RTEL1: variants seen among roughly 807,000 people sequenced by gnomAD.
RTEL1 encodes the protein regulator of telomere elongation helicase 1.
Under a neutral mutation model 162.2 loss-of-function variants are expected in RTEL1, and 86 were observed. That is an observed-to-expected ratio of 0.53 (90% CI 0.45 to 0.63). The LOEUF (loss-of-function observed/expected upper bound fraction) is 0.63. RTEL1 is among the 30% of genes least tolerant of loss of function. The pLI is 0.00. For missense variants in RTEL1, 1,941 were observed against 1,750.2 expected (o/e 1.11, Z -1.95); for synonymous variants, 958 against 717.9 (o/e 1.33, Z -5.35).
chr20:63,662,942 A>G (rs2090050611), intron 6 of RTEL1, 53 bp downstream of exon 6: 3 of 1,544,910 alleles, frequency 1.9e-6, no homozygotes, highest in South Asian at 1.1e-5. Context: ...GCAGCCTCTC[A>G]GGGTGGAGCT....
At chr20:63,667,426 C>G (rs1319378484) in intron 7 of RTEL1, 43 bp from the exon 8 acceptor site, 5 of 1,518,564 alleles carry the variant, frequency 3.3e-6, no homozygotes, top group Non-Finnish European at 4.6e-6. Context: ...GCACCGTCCC[C>G]TGCATGGGGT....
chr20:63,688,030 G>A lies in RTEL1; in HGVS notation c.1575G>A (p.Leu525=), dbSNP rs1388544298. 1 of 1,612,792 alleles carries A rather than the reference G, an allele frequency of 6.2e-7. No individual in the cohort carries two copies. Among genetic ancestry groups the A allele is most frequent in the East Asian group, 2.2e-5 (1 of 44,886 alleles). ...VVPRGPDGAQ[L]SSAFDRRFSE... ...CCAGAGGCCCCGATGGAGCCCAGTT[G>A]AGCTCCGCGTTTGACAGACGGTGAG... Residue 525 remains leucine (L), a synonymous_variant, in exon 18 of 35, where the codon TTG becomes TTA. Transcript: ENST00000360203.
intron 24 of RTEL1, 104 bp from the exon 25 acceptor site, chr20:63,689,983 G>A (rs1459656058): frequency 6.4e-6 from 10 of 1,556,632 alleles, no homozygotes; most frequent in East Asian, 2.3e-5. Flanking sequence ...CCGGCTACTC[G>A]GGGTCAGCGT....
chr20:63,662,003 G>T, intron 4 of RTEL1, 60 bp downstream of exon 4: 1 of 1,286,472 alleles, frequency 7.8e-7, no homozygotes, highest in Non-Finnish European at 1.1e-6. Flanking sequence ...TTGGCATGGT[G>T]CTGAGTCCAC....
chr20:63,693,636 A>ACCACCACCT, intron 30 of RTEL1, among the ~76,000 whole-genome samples: 1 of 16,480 alleles, frequency 6.1e-5, no homozygotes, highest in South Asian at 2.3e-3. Context: ...CACCTCCACC[A>ACCACCACCT]CCACCACCTC....
chr20:63,689,175 C>G (rs763211181), intron 22 of RTEL1, 43 bp downstream of exon 22: 81 of 1,571,696 alleles, frequency 5.2e-5, no homozygotes, highest in Non-Finnish European at 6.9e-5. Flanking sequence ...GTTGCCTGTT[C>G]CCTGGTGGGT....
At position 63,688,530 on chromosome 20, in the gene RTEL1, C is replaced by T. The variant is rs375696298; in HGVS notation, c.1725C>T (p.Ala575=). Residue 575 remains alanine (A), a splice_region_variant and synonymous_variant, in exon 21 of 35, where the codon GCC becomes GCT. Transcript: ENST00000360203. ...VMEKSLEFWR[A]RDLARKMEAL... ...GTCCCTGCCTCTTCCTCCCACAGGC[C>T]CGCGACTTGGCCAGGAAGATGGAGG... 2.5e-6 allele frequency: 4 copies of T among 1,610,434 alleles called. No homozygotes were observed. Among genetic ancestry groups the T allele is most frequent in the South Asian group, 1.1e-5 (1 of 90,774 alleles).
In RTEL1 at chr20:63,689,029, C is replaced by T. The variant is rs981173078; in HGVS notation, c.1801-26C>T. The T allele has an allele frequency of 8.7e-6, 14 of 1,600,994 alleles. No individual in the cohort carries two copies. The African/African-American group carries it at 1.2e-4, about 14-fold the overall frequency. On this transcript the variant is annotated intron_variant, in intron 21 of 34. Coordinates refer to ENST00000360203, the MANE Select transcript of RTEL1 (RefSeq NM_001283009.2). ...GAAGGGGCTGGGGGGGGGCTCCAGGCTCAGCCTCACCAACTTTCCTTCCAG... is the reference window on the plus strand; with the variant it reads ...GAAGGGGCTGGGGGGGGGCTCCAGGTTCAGCCTCACCAACTTTCCTTCCAG...
In RTEL1 at chr20:63,680,098, G is replaced by A. The variant is rs538121833; in HGVS notation, c.1135+152G>A. 21 of 615,326 alleles carry A rather than the reference G, an allele frequency of 3.4e-5. 1 individual carries two copies. Among genetic ancestry groups the A allele is most frequent in the South Asian group, 3.4e-4 (17 of 50,714 alleles). 38.1% of individuals were successfully genotyped at this position (615,326 alleles called of 1,614,324 possible). Reference sequence around the variant, plus strand: ...CTCATCTTCTGATCGGGGCGTGGAGGCGTTAGTGCCACTTGCCAGCTGCCG... The same window carrying A: ...CTCATCTTCTGATCGGGGCGTGGAGACGTTAGTGCCACTTGCCAGCTGCCG... On this transcript the variant is annotated intron_variant, in intron 13 of 34. Transcript: ENST00000360203.
chr20:63,679,902 G>A lies in RTEL1; in HGVS notation c.1091G>A (p.Cys364Tyr). 6.2e-7 allele frequency: 1 copy of A among 1,612,426 alleles called. No homozygotes were observed. The highest frequency in any genetic ancestry group is 8.5e-7 in the Non-Finnish European group (1 of 1,179,958). The change falls in exon 13 of 35, where the codon TGC becomes TAC. Residue 364 changes from cysteine (C) to tyrosine (Y), a missense_variant. Coordinates refer to ENST00000360203, the MANE Select transcript of RTEL1 (RefSeq NM_001283009.2). ...EAQITFQTKG[C>Y]ILDSLDQIIQ... ...CAGATCACGTTTCAGACCAAGGGCTGCATCCTGGACTCGCTGGACCAGATC... is the reference window on the plus strand; with the variant it reads ...CAGATCACGTTTCAGACCAAGGGCTACATCCTGGACTCGCTGGACCAGATC...
chr20:63,688,174 C>G lies in RTEL1; in HGVS notation c.1631C>G (p.Ala544Gly). The G allele has an allele frequency of 6.2e-7, 1 of 1,612,060 alleles. No individual in the cohort carries two copies. Among genetic ancestry groups the G allele is most frequent in the Non-Finnish European group, 8.5e-7 (1 of 1,179,978 alleles). Residue 544 changes from alanine to glycine, a missense_variant, in exon 19 of 35, where the codon GCT (alanine) becomes GGT (glycine). Ala to Gly is a moderately conservative substitution (Grantham distance 60). Transcript: ENST00000360203. Reference protein sequence around the residue: ...SEECLSSLGKALGNIARVVPY... With the variant: ...SEECLSSLGKGLGNIARVVPY... The stretch of plus-strand genomic sequence containing the variant: ...GAGTGCTTATCCTCCCTGGGGAAGG[C>G]TCTGGGTGAGTGCCCTGAATGCCCC...
At chr20:63,676,547 C>T (rs921244931) in intron 10 of RTEL1, among the ~76,000 whole-genome samples, 1 of 152,272 alleles carries the variant, frequency 6.6e-6, no homozygotes, top group South Asian at 2.1e-4. Context: ...TGTGCTAATT[C>T]CATCATCTAG....
chr20:63,693,879 C>T, intron 30 of RTEL1, among the ~76,000 whole-genome samples: 1 of 150,104 alleles, frequency 6.7e-6, no homozygotes. Context: ...ACGTCCCCTG[C>T]CTCCCATGCA....
At chr20:63,695,684 G>T in intron 34 of RTEL1, 34 bp downstream of exon 34, 1 of 1,609,760 alleles carries the variant, frequency 6.2e-7, no homozygotes, top group Non-Finnish European at 8.5e-7. Flanking sequence ...CCTGCTGGGT[G>T]TAGCCCCAGG....
intron 31 of RTEL1, 118 bp from the exon 32 acceptor site, chr20:63,694,623 C>T: frequency 4.9e-6 from 6 of 1,215,672 alleles, no homozygotes; most frequent in Non-Finnish European, 6.9e-6. Context: ...CCCGGTTCTG[C>T]ACCCCGCAGT....
intron 26 of RTEL1, 107 bp from the exon 27 acceptor site, chr20:63,690,698 C>T (rs1349620748): frequency 7.7e-7 from 1 of 1,305,422 alleles, no homozygotes; most frequent in Non-Finnish European, 1.0e-6. Context: ...CACCCACAGG[C>T]AGGACCCCAA....
intron 26 of RTEL1, 22 bp downstream of exon 26, chr20:63,690,463 T>C (rs369003962): frequency 1.6e-6 from 1 of 631,690 alleles, no homozygotes; most frequent in African/African-American, 2.2e-5. Context: ...CAGCGCTGGG[T>C]GGGCGGTGTG....
In RTEL1 at chr20:63,695,911, C is replaced by T. The variant is rs1342510507; in HGVS notation, c.*53C>T. On this transcript the variant is annotated 3_prime_UTR_variant, in exon 35 of 35. Coordinates refer to ENST00000360203, the MANE Select transcript of RTEL1 (RefSeq NM_001283009.2). Reference sequence around the variant, plus strand: ...AACGTGGCTTGATCACCTGCCTGTCCAGCTCTGGTGGGCCAAGAACCCACC... The same window carrying T: ...AACGTGGCTTGATCACCTGCCTGTCTAGCTCTGGTGGGCCAAGAACCCACC... The T allele has an allele frequency of 4.0e-6, 6 of 1,514,872 alleles. No individual in the cohort carries two copies. Among genetic ancestry groups the T allele is most frequent in the Admixed American group, 2.0e-5 (1 of 50,662 alleles). The allele number at this position is 1,514,872 out of a possible 1,614,324, so 93.8% of individuals were successfully genotyped here.
In RTEL1 at chr20:63,695,778, G is replaced by A; in HGVS notation, c.3823G>A (p.Ala1275Thr). The change falls in exon 35 of 35, where the codon GCC becomes ACC. Residue 1275 changes from alanine to threonine, a missense_variant and splice_region_variant. Physicochemically the swap from Ala to Thr is moderately conservative, Grantham distance 58. Coordinates refer to ENST00000360203, the MANE Select transcript of RTEL1 (RefSeq NM_001283009.2). ...GTGCAGTGGGCCGGTTGTCTCACAG[G>A]CCTCTAGGATGTGCCCAGCCTGCCA... ...CQACWQRHLQ[A>T]SRMCPACHTA... is the part of the protein sequence containing the mutation. 1 of 1,591,220 alleles carries A rather than the reference G, an allele frequency of 6.3e-7. No individual in the cohort carries two copies. Among genetic ancestry groups the A allele is most frequent in the Non-Finnish European group, 8.5e-7 (1 of 1,169,602 alleles).
Sources: gnomAD v4.1 joint callset for allele counts (sites outside exome capture counted in the v4.1 genomes callset) on GRCh38, gnomAD v4.1.1 for gene constraint, MANE v1.5 for transcripts, NCBI Gene and HGNC (gene_info 2026-07-23, HGNC 2026-07-21) for gene names.